Variants in PRMT7 observed in about 807,000 individuals in gnomAD.
PRMT7 encodes protein arginine methyltransferase 7, also known as protein arginine N-methyltransferase 7.
PRMT7 carries 75 observed loss-of-function variants against 85.4 expected under a neutral mutation model. The ratio of observed to expected loss-of-function variants is 0.88; its 90% CI spans 0.73 to 1.06. PRMT7 has a LOEUF of 1.06. Ranked by LOEUF, PRMT7 falls within the 50% of genes least tolerant of loss-of-function variation. The probability of loss-of-function intolerance (pLI) is 0.00; values close to 1 mark genes in which losing one functional copy is unlikely to be tolerated. For missense variants in PRMT7, 868 were observed against 915.2 expected, an observed-to-expected ratio of 0.95 and a Z score of 0.67; for synonymous variants, 397 against 359.5, an observed-to-expected ratio of 1.10 and a Z score of -1.18.
chr16:68,339,423 G>T lies in PRMT7; in HGVS notation c.606G>T (p.Gln202His), dbSNP rs1567696753. The change falls in exon 8 of 19, where the codon CAG becomes CAT. Residue 202 changes from glutamine to histidine, a missense_variant. By Grantham distance (24) the Gln-to-His change is conservative. Transcript: ENST00000441236. ...ACAAGCTATTTCCCATCCACGTGCA[G>T]ACCAGCCTCGGAGAGCAGGTCATCG... is the stretch of plus-strand genomic sequence containing the variant. Reference protein sequence around the residue: ...SWNKLFPIHVQTSLGEQVIVP... With the variant: ...SWNKLFPIHVHTSLGEQVIVP... 6.2e-7 allele frequency: 1 copy of T among 1,614,216 alleles called. No individual in the cohort carries two copies. Among genetic ancestry groups the T allele is most frequent in the Non-Finnish European group, 8.5e-7 (1 of 1,180,042 alleles).
At chr16:68,334,350 C>T (rs2151646836) in intron 6 of PRMT7, among the ~76,000 whole-genome samples, 1 of 152,312 alleles carries the variant, frequency 6.6e-6, no homozygotes, top group South Asian at 2.1e-4. Flanking sequence ...GTGGCTTCCT[C>T]ATTGCCAAGT....
At chr16:68,316,146 A>AG (rs2081826130) in intron 3 of PRMT7, 72 bp downstream of exon 3, 1 of 1,321,742 alleles carries the variant, frequency 7.6e-7, no homozygotes, top group South Asian at 1.2e-5. Context: ...CTTGGGCTCC[A>AG]GTCTGAGCGT....
chr16:68,342,131 A>T (rs1464494055), intron 9 of PRMT7, among the ~76,000 whole-genome samples: 1 of 151,982 alleles, frequency 6.6e-6, no homozygotes, highest in Non-Finnish European at 1.5e-5. Context: ...TACAAAAATT[A>T]CCCGGATGTG....
rs1780498821 is a variant in PRMT7, at chr16:68,352,393, T to C, written c.1559T>C (p.Val520Ala). ...VMPQAASLHA[V>A]VVEFRDLWRI... ...CCCCAGGCAGCCTCGCTGCACGCTG[T>C]GGTTGTGGAGTTCAGGGTAGGCCAC... Residue 520 changes from valine to alanine, a missense_variant, in exon 15 of 19, where the codon GTG becomes GCG. By Grantham distance (64) the Val-to-Ala change is moderately conservative. Coordinates refer to ENST00000441236, the MANE Select transcript of PRMT7 (RefSeq NM_019023.5). The C allele has an allele frequency of 6.2e-7, 1 of 1,604,960 alleles. No homozygotes were observed. The highest frequency in any genetic ancestry group is 1.7e-5 in the Admixed American group (1 of 59,916).
chr16:68,321,274 A>T (rs937400309), intron 3 of PRMT7, 152 bp from the exon 4 acceptor site: 13 of 586,966 alleles, frequency 2.2e-5, no homozygotes, highest in African/African-American at 1.8e-4. Context: ...GTCTCAAAAA[A>T]AAAAAAATAA....
Position 68,357,548 on chromosome 16 carries a change from C to T in PRMT7, c.*324C>T, listed in dbSNP as rs933688095. Reference sequence around the variant, plus strand: ...GGGAAGGGAGTGGAAGCACAGGGAGCTTGTGGGGCTGGCCGGTGGGGTTGT... The same window carrying T: ...GGGAAGGGAGTGGAAGCACAGGGAGTTTGTGGGGCTGGCCGGTGGGGTTGT... On this transcript the variant is annotated 3_prime_UTR_variant, in exon 19 of 19. Transcript: ENST00000441236. The T allele has an allele frequency of 3.7e-6, 1 of 268,496 alleles. No homozygotes were observed. 16.6% of individuals were successfully genotyped at this position (268,496 alleles called of 1,614,324 possible).
At chr16:68,330,594 CTTAT>C (rs926782082) in intron 6 of PRMT7, among the ~76,000 whole-genome samples, 1 of 151,470 alleles carries the variant, frequency 6.6e-6, no homozygotes, top group South Asian at 2.1e-4. Context: ...TGGGTACTAT[CTTAT>C]TTATTTATTT....
At chr16:68,337,401 G>T (rs2084864939) in intron 6 of PRMT7, 58 bp from the exon 7 acceptor site, 1 of 1,215,956 alleles carries the variant, frequency 8.2e-7, no homozygotes, top group East Asian at 2.4e-5. Context: ...CATATTTGCT[G>T]TAAATATTTT....
intron 2 of PRMT7, among the ~76,000 whole-genome samples, chr16:68,313,601 T>C (rs978229362): frequency 2.0e-5 from 3 of 152,232 alleles, no homozygotes; most frequent in Non-Finnish European, 4.4e-5. Flanking sequence ...CAGTCAGATA[T>C]GGCCATTTCT....
rs1177505385 is a variant in PRMT7, at chr16:68,358,311, G to A, written c.*1087G>A. 6.5e-6 allele frequency: 1 copy of A among 152,772 alleles called. No individual in the cohort carries two copies. Among genetic ancestry groups the A allele is most frequent in the Non-Finnish European group, 1.5e-5 (1 of 68,060 alleles). The allele number at this position is 152,772 out of a possible 1,614,324, so 9.5% of individuals were successfully genotyped here. ...TGGCCCCAGCTTGTCGCTGAAATAA[G>A]TGGAGAACACCAGCCTTGAGCCTCA... On this transcript the variant is annotated 3_prime_UTR_variant, in exon 19 of 19. Coordinates refer to ENST00000441236, the MANE Select transcript of PRMT7 (RefSeq NM_019023.5).
intron 4 of PRMT7, chr16:68,322,498 A>G (rs1237409494): frequency 9.8e-6 from 4 of 407,700 alleles, no homozygotes; most frequent in Admixed American, 2.6e-5. Context: ...GCGCCCGGCC[A>G]TCGTGTGCTT....
At chr16:68,312,337 C>T (rs2043972893) in intron 2 of PRMT7, among the ~76,000 whole-genome samples, 161 bp downstream of exon 2, 1 of 151,542 alleles carries the variant, frequency 6.6e-6, no homozygotes, top group Non-Finnish European at 1.5e-5. Context: ...ATTCCCCTAC[C>T]TCAGCCTCCC....
At chr16:68,320,561 G>A (rs1366984283) in intron 3 of PRMT7, among the ~76,000 whole-genome samples, 1 of 152,182 alleles carries the variant, frequency 6.6e-6, no homozygotes, top group Non-Finnish European at 1.5e-5. Context: ...AGCCGCCCTG[G>A]GTGGGCCAGG....
chr16:68,356,289 G>T (rs1048709426), intron 17 of PRMT7, among the ~76,000 whole-genome samples: 9 of 152,206 alleles, frequency 5.9e-5, no homozygotes, highest in Admixed American at 5.2e-4. Flanking sequence ...CCCCACCCTC[G>T]CCCGAGGAGT....
rs6145876 is a variant in PRMT7, at chr16:68,329,876, TACACACAC to T, written c.391+718_391+725del. ...TTAAGGTTTCCAGAATATGTATATGTACACACACACACACACACACACATATTTTTTTT... is the reference window on the plus strand; with the variant it reads ...TTAAGGTTTCCAGAATATGTATATGTACACACACACACACATATTTTTTTT... On this transcript the variant is annotated intron_variant, in intron 6 of 18. Coordinates refer to ENST00000441236, the MANE Select transcript of PRMT7 (RefSeq NM_019023.5). 5.4e-5 allele frequency among the ~76,000 whole-genome samples: 8 copies of T among 148,720 alleles called. No homozygotes were observed. The South Asian group carries it at 1.1e-3, about 20-fold the overall frequency.
chr16:68,331,657 A>G (rs943282497), intron 6 of PRMT7, among the ~76,000 whole-genome samples: 2 of 151,826 alleles, frequency 1.3e-5, no homozygotes, highest in East Asian at 3.9e-4. Context: ...TTTTTTTTGT[A>G]GAGATGGGAT....
In PRMT7 at chr16:68,348,368, T is replaced by C. The variant is rs563114677; in HGVS notation, c.1350T>C (p.Asp450=). 6.8e-6 allele frequency: 11 copies of C among 1,610,086 alleles called. No individual in the cohort carries two copies. In the East Asian group the frequency reaches 2.2e-4, roughly 33 times the overall value. The change falls in exon 14 of 19, where the codon GAT becomes GAC. Residue 450 remains aspartate, a synonymous_variant. Coordinates refer to ENST00000441236, the MANE Select transcript of PRMT7 (RefSeq NM_019023.5). The part of the protein sequence containing the change: ...RKIFKANHLE[D]KINIIEKRPE... The stretch of plus-strand genomic sequence containing the variant: ...TCTTCAAGGCTAACCACTTGGAAGA[T>C]AAAATTAACATCATAGAGAAACGGC...
In PRMT7 at chr16:68,353,326, G is replaced by A. The variant is rs2087695489; in HGVS notation, c.1576-166G>A. ...AGCTTGCAGGTTCCCGCCCAGCCCA[G>A]TCTGTTACAGAAACCGTTGTGGATC... On this transcript the variant is annotated intron_variant, in intron 15 of 18. Transcript: ENST00000441236. The A allele has an allele frequency of 2.8e-6, 4 of 1,424,864 alleles. No individual in the cohort carries two copies. The South Asian group carries it at 5.7e-5, about 20-fold the overall frequency. The allele number at this position is 1,424,864 out of a possible 1,614,324, so 88.3% of individuals were successfully genotyped here. A position where few individuals can be genotyped will look rare whatever the true frequency, so the allele number is the denominator to read the frequency against.
rs1347235878 is a variant in PRMT7, at chr16:68,345,702, T to C, written c.955T>C (p.Tyr319His). 1.9e-6 allele frequency: 3 copies of C among 1,613,458 alleles called. No individual in the cohort carries two copies. The highest frequency in any genetic ancestry group is 1.7e-5 in the Admixed American group (1 of 60,022). ...GCGGGACCACTGGATGCAGTGTGTG[T>C]ACTTCCTGCCACAAGAGGAGCCTGT... ...QWRDHWMQCV[Y>H]FLPQEEPVVQ... Residue 319 changes from tyrosine to histidine, a missense_variant, in exon 10 of 19, where the codon TAC becomes CAC. Coordinates refer to ENST00000441236, the MANE Select transcript of PRMT7 (RefSeq NM_019023.5).
Sources: gnomAD v4.1 joint callset for allele counts (sites outside exome capture counted in the v4.1 genomes callset) on GRCh38, gnomAD v4.1.1 for gene constraint, MANE v1.5 for transcripts, NCBI Gene and HGNC (gene_info 2026-07-23, HGNC 2026-07-21) for gene names.